MGAT4C: variants seen among roughly 807,000 people sequenced by gnomAD.
MGAT4C encodes the protein alpha-1,3-mannosyl-glycoprotein 4-beta-N-acetylglucosaminyltransferase C.
Under a neutral mutation model 40.1 loss-of-function variants are expected in MGAT4C, and 19 were observed. The ratio of observed to expected loss-of-function variants is 0.47; its 90% CI spans 0.33 to 0.70. The LOEUF is 0.70. MGAT4C is among the 30% of genes least tolerant of loss of function. The probability of loss-of-function intolerance (pLI) is 0.02; values close to 1 mark genes in which losing one functional copy is unlikely to be tolerated. For missense variants in MGAT4C, 491 were observed against 563.2 expected, an observed-to-expected ratio of 0.87 and a Z score of 1.30; for synonymous variants, 181 against 187.1, an observed-to-expected ratio of 0.97 and a Z score of 0.27.
chr12:86,340,771 A>G (rs1954890195), intron 3 of MGAT4C, among the ~76,000 whole-genome samples: 1 of 152,144 alleles, frequency 6.6e-6, no homozygotes, highest in African/African-American at 2.4e-5. Flanking sequence ...AACCAAATAG[A>G]AGAATCCTGG....
intron 2 of MGAT4C, among the ~76,000 whole-genome samples, chr12:86,545,277 A>T (rs1959187525): frequency 6.6e-6 from 1 of 152,052 alleles, no homozygotes; most frequent in South Asian, 2.1e-4. Context: ...TTCAAATATG[A>T]ATCCATTTTT....
At chr12:86,781,625 T>TA (rs1951842146) in intron 1 of MGAT4C, among the ~76,000 whole-genome samples, 1 of 152,038 alleles carries the variant, frequency 6.6e-6, no homozygotes, top group Admixed American at 6.6e-5. Flanking sequence ...TCTAGACACT[T>TA]ACGGTGGCCA....
At chr12:86,317,828 C>G in intron 4 of MGAT4C, among the ~76,000 whole-genome samples, 1 of 151,214 alleles carries the variant, frequency 6.6e-6, no homozygotes, top group East Asian at 1.9e-4. Flanking sequence ...GTTCTATGGT[C>G]TAACGTGCCT....
intron 1 of MGAT4C, among the ~76,000 whole-genome samples, chr12:86,097,035 A>C (rs890740339): frequency 6.6e-6 from 1 of 151,612 alleles, no homozygotes; most frequent in Non-Finnish European, 1.5e-5. Context: ...CATGAAGCAT[A>C]CATTCATCTA....
rs772176146 is a variant in MGAT4C at position 86,144,216 on chromosome 12, T to TA, written c.-56-94494dup. ...TATATCCTGGTCCCATATCAAGCCT[T>TA]AAAATTAATATTTTTTATTTCAGCT... is the stretch of plus-strand genomic sequence containing the variant. On this transcript the variant is annotated intron_variant, in intron 1 of 4. Transcript: ENST00000611864. 6.6e-5 allele frequency among the ~76,000 whole-genome samples: 10 copies of TA among 152,340 alleles called. No homozygotes were observed. In the South Asian group the frequency reaches 1.2e-3, roughly 19 times the overall value.
intron 1 of MGAT4C, among the ~76,000 whole-genome samples, chr12:86,144,796 A>C (rs1461916541): frequency 6.6e-6 from 1 of 152,146 alleles, no homozygotes; most frequent in African/African-American, 2.4e-5. Flanking sequence ...AAGAATCTTA[A>C]AAAATACTCA....
intron 4 of MGAT4C, among the ~76,000 whole-genome samples, chr12:86,278,058 C>T (rs1037866039): frequency 7.9e-5 from 12 of 151,422 alleles, no homozygotes; most frequent in African/African-American, 2.7e-4. Context: ...GTGTCCTCTT[C>T]AATTTATTTT....
At chr12:86,010,184 A>G (rs940372214) in intron 2 of MGAT4C, among the ~76,000 whole-genome samples, 1 of 152,236 alleles carries the variant, frequency 6.6e-6, no homozygotes, top group Non-Finnish European at 1.5e-5. Flanking sequence ...CACCATATAG[A>G]TAATAGGTGT....
At chr12:86,035,434 T>C (rs1157289368) in intron 2 of MGAT4C, among the ~76,000 whole-genome samples, 1 of 150,208 alleles carries the variant, frequency 6.7e-6, no homozygotes, top group Admixed American at 6.7e-5. Flanking sequence ...GTTGTTTTTT[T>C]CTTGTAAATT....
At chr12:86,684,884 TTG>T (rs1386442969) in intron 2 of MGAT4C, among the ~76,000 whole-genome samples, 1 of 151,660 alleles carries the variant, frequency 6.6e-6, no homozygotes, top group African/African-American at 2.4e-5. Flanking sequence ...GATGGGTTTT[TTG>T]TTTTTTTCTG....
intron 1 of MGAT4C, among the ~76,000 whole-genome samples, chr12:86,201,491 A>G: frequency 6.7e-6 from 1 of 149,338 alleles, no homozygotes. Flanking sequence ...ATAATATAAA[A>G]TATTTACGTT....
chr12:86,779,701 C>G (rs1213664554), intron 1 of MGAT4C, among the ~76,000 whole-genome samples: 3 of 152,058 alleles, frequency 2.0e-5, no homozygotes, highest in Admixed American at 1.3e-4. Flanking sequence ...ATCACGAGGT[C>G]AGGAGATGGA....
intron 1 of MGAT4C, among the ~76,000 whole-genome samples, chr12:86,216,147 T>C (rs1950662928): frequency 6.6e-6 from 1 of 152,160 alleles, no homozygotes; most frequent in South Asian, 2.1e-4. Flanking sequence ...AATTAGTATA[T>C]TTTTGGAGAA....
intron 1 of MGAT4C, among the ~76,000 whole-genome samples, chr12:86,754,932 T>C (rs2136145147): frequency 6.6e-6 from 1 of 152,246 alleles, no homozygotes. Context: ...ACTTTAGTTT[T>C]TAATTCATGG....
chr12:86,022,781 G>A (rs923751263), intron 2 of MGAT4C, among the ~76,000 whole-genome samples: 5 of 152,094 alleles, frequency 3.3e-5, no homozygotes, highest in African/African-American at 1.2e-4. Flanking sequence ...GTGCCCAAAA[G>A]TAGATCCATA....
At chr12:86,595,428 G>A (rs569799517) in intron 2 of MGAT4C, among the ~76,000 whole-genome samples, 1 of 152,028 alleles carries the variant, frequency 6.6e-6, no homozygotes, top group Admixed American at 6.6e-5. Context: ...CTACTCGGGA[G>A]GCTGAGGCAG....
chr12:86,678,372 T>C (rs1250324800), intron 2 of MGAT4C, among the ~76,000 whole-genome samples: 1 of 152,130 alleles, frequency 6.6e-6, no homozygotes. Context: ...TTGGTTGCAC[T>C]ATTCATAACC....
chr12:86,233,173 G>GAATTAAA (rs765735912), intron 1 of MGAT4C, among the ~76,000 whole-genome samples: 6 of 152,112 alleles, frequency 3.9e-5, no homozygotes, highest in Non-Finnish European at 7.4e-5. Context: ...GGTGCAATGT[G>GAATTAAA]AATTAAATGG....
intron 2 of MGAT4C, among the ~76,000 whole-genome samples, chr12:86,668,264 A>C (rs1964165470): frequency 2.0e-5 from 3 of 152,194 alleles, no homozygotes; most frequent in Admixed American, 2.0e-4. Context: ...AATCTACCAG[A>C]ATCATGATGG....
Sources: allele counts gnomAD v4.1 joint callset (sites outside exome capture counted in the v4.1 genomes callset), GRCh38; gene constraint gnomAD v4.1.1; transcripts MANE v1.5; gene names NCBI Gene and HGNC (gene_info 2026-07-23, HGNC 2026-07-21).